ZNF98: variants seen among roughly 807,000 people sequenced by gnomAD.
ZNF98 encodes zinc finger protein 98.
ZNF98 carries 8 observed loss-of-function variants against 12.8 expected under a neutral mutation model. That is an observed-to-expected ratio of 0.63 (90% CI 0.37 to 1.13). The LOEUF is 1.13. ZNF98 is among the 50% of genes most tolerant of loss of function. ZNF98 has a pLI of 0.01. For synonymous variants in ZNF98, 112 were observed against 223.5 expected (o/e 0.50, Z 4.45); for missense variants, 379 against 666.1 (o/e 0.57, Z 4.74).
At chr19:22,404,995 A>T (rs1295593616) in intron 1 of ZNF98, among the ~76,000 whole-genome samples, 1 of 152,156 alleles carries the variant, frequency 6.6e-6, no homozygotes, top group Admixed American at 6.5e-5. Context: ...TTCCACAGCC[A>T]GGAAAGAAAC....
At chr19:22,393,613 G>T (rs1234462034) in intron 3 of ZNF98, among the ~76,000 whole-genome samples, 2 of 151,910 alleles carry the variant, frequency 1.3e-5, no homozygotes, top group African/African-American at 4.8e-5. Flanking sequence ...AAATGGTACT[G>T]GGAAAACTGG....
At chr19:22,397,133 A>AC (rs1391480864) in intron 3 of ZNF98, among the ~76,000 whole-genome samples, 23 of 150,058 alleles carry the variant, frequency 1.5e-4, no homozygotes, top group East Asian at 2.0e-4. Flanking sequence ...AAAAACAACA[A>AC]AAAAAAACCA....
intron 1 of ZNF98, among the ~76,000 whole-genome samples, chr19:22,407,062 T>G (rs1172844356): frequency 6.6e-6 from 1 of 151,766 alleles, no homozygotes; most frequent in African/African-American, 2.4e-5. Context: ...AGCTGCTAAC[T>G]AGAATAACCA....
intron 1 of ZNF98, 66 bp downstream of exon 1, chr19:22,422,129 G>A (rs779670600): frequency 4.6e-5 from 74 of 1,600,352 alleles, no homozygotes; most frequent in Non-Finnish European, 6.2e-5. Context: ...TCCCGCCACA[G>A]CCTCTTCCCA....
At position 22,416,505 on chromosome 19, in the gene ZNF98, G is replaced by A. The variant is rs191249028; in HGVS notation, c.30+5690C>T. On this transcript the variant is annotated intron_variant, in intron 1 of 3. Transcript: ENST00000357774. ...CAAAAAAGTATGGTGTCCGGGTGCA[G>A]TGGCTCACGCCTGTAATCCCAGCAC... 9.9e-5 allele frequency among the ~76,000 whole-genome samples: 15 copies of A among 152,106 alleles called. No homozygotes were observed. In the East Asian group the frequency reaches 2.7e-3, roughly 28 times the overall value.
Position 22,391,222 on chromosome 19 carries a change from TA to T in ZNF98, c.*293del. 2.4e-6 allele frequency: 1 copy of T among 417,382 alleles called. No individual in the cohort carries two copies. Among genetic ancestry groups the T allele is most frequent in the East Asian group, 5.1e-5 (1 of 19,648 alleles). The allele number at this position is 417,382 out of a possible 1,614,324, so 25.9% of individuals were successfully genotyped here. On this transcript the variant is annotated 3_prime_UTR_variant, in exon 4 of 4. Transcript: ENST00000357774. ...TCAAAATAAATCCTCTTCAGCACTT[TA>T]AATGCTTATATTTTCTGAACTCTTT... is the stretch of plus-strand genomic sequence containing the variant.
Position 22,396,123 on chromosome 19 carries a change from G to C in ZNF98, c.254-3142C>G, listed in dbSNP as rs537478055. On this transcript the variant is annotated intron_variant, in intron 3 of 3. Transcript: ENST00000357774. ...TGCACATACATAAAAACAGAATCTT[G>C]TGGCATTATCATAATGGTGCAGAAA... Among the ~76,000 whole-genome samples the C allele has an allele frequency of 3.0e-4, 45 of 152,006 alleles. 1 individual carries two copies. Among genetic ancestry groups the C allele is most frequent in the Admixed American group, 2.2e-3 (34 of 15,264 alleles).
rs1969713353 is a variant in ZNF98 at position 22,422,274 on chromosome 19, G to A, written c.-50C>T. The A allele has an allele frequency of 7.5e-6, 12 of 1,605,962 alleles. No homozygotes were observed. Among genetic ancestry groups the A allele is most frequent in the Non-Finnish European group, 1.0e-5 (12 of 1,174,304 alleles). ...GCAGGTCACAGGGCCACAGAGGCTGGGCCTCTACGAGCAGAGGACACAGAA... is the reference window on the plus strand; with the variant it reads ...GCAGGTCACAGGGCCACAGAGGCTGAGCCTCTACGAGCAGAGGACACAGAA... On this transcript the variant is annotated 5_prime_UTR_variant, in exon 1 of 4. Coordinates refer to ENST00000357774, the MANE Select transcript of ZNF98 (RefSeq NM_001098626.2).
At chr19:22,416,514 G>A (rs1168746751) in intron 1 of ZNF98, among the ~76,000 whole-genome samples, 3 of 151,180 alleles carry the variant, frequency 2.0e-5, no homozygotes, top group African/African-American at 4.9e-5. Context: ...AGTGGCTCAC[G>A]CCTGTAATCC....
At chr19:22,415,924 TC>T (rs1335860907) in intron 1 of ZNF98, among the ~76,000 whole-genome samples, 2 of 116,688 alleles carry the variant, frequency 1.7e-5, no homozygotes, top group Admixed American at 9.3e-5. Flanking sequence ...GAAACCCCGT[TC>T]CTACTTAAAA....
chr19:22,394,236 T>C (rs1050586814), intron 3 of ZNF98, among the ~76,000 whole-genome samples: 2 of 147,088 alleles, frequency 1.4e-5, no homozygotes, highest in African/African-American at 5.0e-5. Context: ...ACACTGTTGG[T>C]GGGACTGTAA....
intron 1 of ZNF98, among the ~76,000 whole-genome samples, chr19:22,408,743 C>T (rs990676802): frequency 3.3e-5 from 5 of 152,066 alleles, no homozygotes; most frequent in African/African-American, 4.8e-5. Flanking sequence ...TATGAAGGAC[C>T]TCTTCAAGGA....
At chr19:22,422,095 G>A in intron 1 of ZNF98, 100 bp downstream of exon 1, 1 of 1,446,168 alleles carries the variant, frequency 6.9e-7, no homozygotes, top group East Asian at 2.3e-5. Context: ...ACGGATTGTG[G>A]AGCTGACAGC....
intron 3 of ZNF98, among the ~76,000 whole-genome samples, chr19:22,394,138 A>AT (rs1969364004): frequency 6.8e-6 from 1 of 146,444 alleles, no homozygotes; most frequent in Non-Finnish European, 1.5e-5. Context: ...ACAATGAGAT[A>AT]CCATCTCATG....
chr19:22,393,753 AC>A (rs1411518694), intron 3 of ZNF98, among the ~76,000 whole-genome samples: 1 of 152,220 alleles, frequency 6.6e-6, no homozygotes, highest in Non-Finnish European at 1.5e-5. Context: ...CCTAGACAAT[AC>A]CATTCAGGAC....
chr19:22,416,305 C>G (rs541511554), intron 1 of ZNF98, among the ~76,000 whole-genome samples: 3 of 149,482 alleles, frequency 2.0e-5, no homozygotes, highest in Non-Finnish European at 4.4e-5. Context: ...CCCGTCTCTA[C>G]GAAAAATACA....
In ZNF98 at chr19:22,391,287, T is replaced by C. The variant is rs770514389; in HGVS notation, c.*229A>G. ...ACCTTTAATGCTATTAAGTATAAAT[T>C]CTCTGATGCTGAATAAGATGTGTGC... is the stretch of plus-strand genomic sequence containing the variant. On this transcript the variant is annotated 3_prime_UTR_variant, in exon 4 of 4. Coordinates refer to ENST00000357774, the MANE Select transcript of ZNF98 (RefSeq NM_001098626.2). 16 of 868,856 alleles carry C rather than the reference T, an allele frequency of 1.8e-5. No individual in the cohort carries two copies. Among genetic ancestry groups the C allele is most frequent in the African/African-American group, 5.1e-5 (3 of 58,374 alleles). 53.8% of individuals were successfully genotyped at this position (868,856 alleles called of 1,614,324 possible).
At chr19:22,411,913 C>A (rs780350719) in intron 1 of ZNF98, among the ~76,000 whole-genome samples, 2 of 152,114 alleles carry the variant, frequency 1.3e-5, no homozygotes, top group Non-Finnish European at 2.9e-5. Flanking sequence ...TTGATGGGTG[C>A]ACACAAATAA....
intron 1 of ZNF98, among the ~76,000 whole-genome samples, chr19:22,408,658 CAG>C (rs1969548453): frequency 6.6e-6 from 1 of 152,056 alleles, no homozygotes; most frequent in African/African-American, 2.4e-5. Flanking sequence ...AACAGACCAT[CAG>C]AGAGCCAAAT....
Sources: gnomAD v4.1 joint callset for allele counts (sites outside exome capture counted in the v4.1 genomes callset) on GRCh38, gnomAD v4.1.1 for gene constraint, MANE v1.5 for transcripts, NCBI Gene and HGNC (gene_info 2026-07-23, HGNC 2026-07-21) for gene names.